Variants in ZBED3 observed in about 807,000 individuals in gnomAD.
ZBED3 encodes the protein zinc finger BED-type containing 3.
For synonymous variants in ZBED3, 175 were observed against 180.0 expected (o/e 0.97, Z 0.22); for missense variants, 388 against 362.9 (o/e 1.07, Z -0.56).
chr5:77,072,307 T>TA lies in ZBED3; in HGVS notation c.*4866dup, dbSNP rs1436646944. On this transcript the variant is annotated 3_prime_UTR_variant, in exon 3 of 3. Coordinates refer to ENST00000255198, the MANE Select transcript of ZBED3 (RefSeq NM_032367.4). ...ATCAAGACCAATTTATGAGCCACAC[T>TA]AAAATAATTATCATTGTTTTATTAT... The TA allele has an allele frequency of 6.6e-6, 1 of 152,242 alleles. No individual in the cohort carries two copies. The highest frequency in any genetic ancestry group is 1.5e-5 in the Non-Finnish European group (1 of 68,044). The allele number at this position is 152,242 out of a possible 1,614,324, so 9.4% of individuals were successfully genotyped here.
rs1395244951 is a variant in ZBED3, at chr5:77,077,428, C to T, written c.451G>A (p.Glu151Lys). Residue 151 changes from glutamate (E) to lysine (K), a missense_variant, in exon 3 of 3, where the codon GAG becomes AAG. Transcript: ENST00000255198. ...TGCTCCACGGCCAGCTCGCGCCGCT[C>T]CAGCTCCCGCTCCCGCCGGCTGCCG... ...VRGSRREREL[E>K]RRELAVEQGE... 1.6e-6 allele frequency: 2 copies of T among 1,225,364 alleles called. No homozygotes were observed. Among genetic ancestry groups the T allele is most frequent in the South Asian group, 2.9e-5 (1 of 34,832 alleles). 75.9% of individuals were successfully genotyped at this position (1,225,364 alleles called of 1,614,324 possible). A position where few individuals can be genotyped will look rare whatever the true frequency, so the allele number is the denominator to read the frequency against.
chr5:77,075,294 T>C lies in ZBED3; in HGVS notation c.*1880A>G, dbSNP rs1001960. ...CAAAAAGTATCATGGGAAAATATGT[T>C]GGGGTTGTTGTAGACTGAAAGTGAC... On this transcript the variant is annotated 3_prime_UTR_variant, in exon 3 of 3. Transcript: ENST00000255198. The C allele has an allele frequency of 0.86, 130,272 of 152,190 alleles. 55,870 individuals are homozygous for C. The highest frequency in any genetic ancestry group is 0.87 in the Non-Finnish European group (59,436 of 68,020). 9.4% of individuals were successfully genotyped at this position (152,190 alleles called of 1,614,324 possible).
chr5:77,082,595 T>A (rs755723986), intron 1 of ZBED3, among the ~76,000 whole-genome samples: 13 of 152,172 alleles, frequency 8.5e-5, no homozygotes, highest in Non-Finnish European at 1.5e-4. Context: ...GTGTATAATA[T>A]GATCCCACTA....
At chr5:77,079,217 A>C (rs1462462489) in intron 1 of ZBED3, 1 of 152,268 alleles carries the variant, frequency 6.6e-6, no homozygotes, top group African/African-American at 2.4e-5. Flanking sequence ...AAGAAAACAC[A>C]TGACAGACTT....
rs1742948553 is a variant in ZBED3 at position 77,074,994 on chromosome 5, G to A, written c.*2180C>T. The A allele has an allele frequency of 6.6e-6, 1 of 152,206 alleles. No homozygotes were observed. Among genetic ancestry groups the A allele is most frequent in the Non-Finnish European group, 1.5e-5 (1 of 68,054 alleles). The allele number at this position is 152,206 out of a possible 1,614,324, so 9.4% of individuals were successfully genotyped here. A position where few individuals can be genotyped will look rare whatever the true frequency, so the allele number is the denominator to read the frequency against. ...GTAAATGTTAGTTATCAGGTGAGGG[G>A]TGGGATGTGGGGTTGAGTAGATTTG... On this transcript the variant is annotated 3_prime_UTR_variant, in exon 3 of 3. Transcript: ENST00000255198.
Position 77,075,935 on chromosome 5 carries a change from T to TTTTATATATATATA in ZBED3, c.*1238_*1239insTATATATATATAAA, listed in dbSNP as rs1554047999. ...GACATGCACCCTAGAACTTAAAGTA[T>TTTTATATATATATA]TATATATACATATATATATATATAT... On this transcript the variant is annotated 3_prime_UTR_variant, in exon 3 of 3. Coordinates refer to ENST00000255198, the MANE Select transcript of ZBED3 (RefSeq NM_032367.4). The TTTTATATATATATA allele has an allele frequency of 2.4e-4, 5 of 21,164 alleles. 1 individual carries two copies. Among genetic ancestry groups the TTTTATATATATATA allele is most frequent in the East Asian group, 1.7e-3 (2 of 1,184 alleles). The allele number at this position is 21,164 out of a possible 1,614,324, so 1.3% of individuals were successfully genotyped here.
chr5:77,077,559 C>A lies in ZBED3; in HGVS notation c.320G>T (p.Gly107Val). 7.9e-7 allele frequency: 1 copy of A among 1,260,966 alleles called. No homozygotes were observed. Among genetic ancestry groups the A allele is most frequent in the South Asian group, 2.9e-5 (1 of 34,720 alleles). 78.1% of individuals were successfully genotyped at this position (1,260,966 alleles called of 1,614,324 possible). Residue 107 changes from glycine to valine, a missense_variant, in exon 3 of 3, where the codon GGG (glycine) becomes GTG (valine). Transcript: ENST00000255198. Reference sequence around the variant, plus strand: ...GCAGGGCGCGGCAGGTGGGGAGCTCCCGGCGCCGCTGCTCTCCAGCTCCCG... The same window carrying A: ...GCAGGGCGCGGCAGGTGGGGAGCTCACGGCGCCGCTGCTCTCCAGCTCCCG... ...HRRELESSGA[G>V]SSPPAAPCPP...
At chr5:77,080,327 A>G in intron 1 of ZBED3, 2 of 407,782 alleles carry the variant, frequency 4.9e-6, no homozygotes, top group Non-Finnish European at 9.6e-6. Flanking sequence ...GGTGAATGCC[A>G]TCTGTTAGGA....
chr5:77,081,469 C>T (rs1297538922), intron 1 of ZBED3, among the ~76,000 whole-genome samples: 1 of 151,972 alleles, frequency 6.6e-6, no homozygotes, highest in African/African-American at 2.4e-5. Flanking sequence ...CCCACCTCAG[C>T]CTCCAAAGTA....
Position 77,077,150 on chromosome 5 carries a change from T to C in ZBED3, c.*24A>G. On this transcript the variant is annotated 3_prime_UTR_variant, in exon 3 of 3. Transcript: ENST00000255198. ...GGCATTGGACGGAGAAGCGCTGTCC[T>C]GGGGTGGGGAAGTGGCCACACCCCT... 7.1e-7 allele frequency: 1 copy of C among 1,406,320 alleles called. No homozygotes were observed. Among genetic ancestry groups the C allele is most frequent in the South Asian group, 1.5e-5 (1 of 66,078 alleles). The allele number at this position is 1,406,320 out of a possible 1,614,324, so 87.1% of individuals were successfully genotyped here.
intron 1 of ZBED3, chr5:77,079,425 T>TA (rs1382697273): frequency 1.3e-5 from 2 of 152,252 alleles, no homozygotes; most frequent in Non-Finnish European, 2.9e-5. Flanking sequence ...CTGCTATAGT[T>TA]ACAGTAGCAT....
rs1455337908 is a variant in ZBED3 at position 77,077,068 on chromosome 5, GCGGCTGCGGGCC to G, written c.*94_*105del. 3.6e-6 allele frequency: 3 copies of G among 825,022 alleles called. No individual in the cohort carries two copies. The highest frequency in any genetic ancestry group is 4.9e-6 in the Non-Finnish European group (3 of 609,584). The allele number at this position is 825,022 out of a possible 1,614,324, so 51.1% of individuals were successfully genotyped here. ...GTTAGCTGGAGCTTCCGAGTGAGTA[GCGGCTGCGGGCC>G]TGGCTTCGGTTACGGCTTCGGTCCC... On this transcript the variant is annotated 3_prime_UTR_variant, in exon 3 of 3. Transcript: ENST00000255198.
chr5:77,075,963 ATATGTATATGTATATATG>A lies in ZBED3; in HGVS notation c.*1193_*1210del, dbSNP rs1393250147. On this transcript the variant is annotated 3_prime_UTR_variant, in exon 3 of 3. Transcript: ENST00000255198. Reference sequence around the variant, plus strand: ...TATATACATATATATATATATATATATATGTATATGTATATATGTATATATATATGTATATATGTATAT... The same window carrying A: ...TATATACATATATATATATATATATATATATATATATGTATATATGTATAT... 5.9e-3 allele frequency: 150 copies of A among 25,574 alleles called. 27 individuals are homozygous for A. The highest frequency in any genetic ancestry group is 0.012 in the Middle Eastern group (1 of 86). The allele number at this position is 25,574 out of a possible 1,614,324, so 1.6% of individuals were successfully genotyped here.
At chr5:77,081,326 TTTTC>T (rs1169944081) in intron 1 of ZBED3, among the ~76,000 whole-genome samples, 2 of 138,796 alleles carry the variant, frequency 1.4e-5, no homozygotes, top group Admixed American at 7.9e-5. Flanking sequence ...TGGCCATTTC[TTTTC>T]TTTCTTTCTT....
intron 1 of ZBED3, among the ~76,000 whole-genome samples, chr5:77,084,484 C>CT (rs759757509): frequency 3.9e-5 from 6 of 152,344 alleles, no homozygotes; most frequent in South Asian, 2.1e-4. Flanking sequence ...TCCGCCATGA[C>CT]TGTTAGGCCT....
intron 2 of ZBED3, 105 bp from the exon 3 acceptor site, chr5:77,078,000 G>T: frequency 1.2e-6 from 1 of 807,728 alleles, no homozygotes; most frequent in Non-Finnish European, 1.7e-6. Context: ...TCTTACCGAT[G>T]AAAAGCCTAT....
In ZBED3 at chr5:77,076,330, C is replaced by G. The variant is rs1257512913; in HGVS notation, c.*844G>C. The G allele has an allele frequency of 1.3e-5, 2 of 151,952 alleles. No homozygotes were observed. Among genetic ancestry groups the G allele is most frequent in the East Asian group, 3.9e-4 (2 of 5,156 alleles). 9.4% of individuals were successfully genotyped at this position (151,952 alleles called of 1,614,324 possible). On this transcript the variant is annotated 3_prime_UTR_variant, in exon 3 of 3. Coordinates refer to ENST00000255198, the MANE Select transcript of ZBED3 (RefSeq NM_032367.4). The stretch of plus-strand genomic sequence containing the variant: ...AATGACAGGTAGATGTGGCCTTAAG[C>G]GGAGGGATGCTTTCCCCTTCAGCCC...
chr5:77,086,018 C>A (rs1743230725), intron 1 of ZBED3, among the ~76,000 whole-genome samples: 1 of 152,224 alleles, frequency 6.6e-6, no homozygotes, highest in Non-Finnish European at 1.5e-5. Flanking sequence ...CTACCATTAG[C>A]TAAAAGGCAG....
Position 77,077,383 on chromosome 5 carries a change from G to C in ZBED3, c.496C>G (p.Arg166Gly), listed in dbSNP as rs1243496788. Residue 166 changes from arginine (R) to glycine (G), a missense_variant, in exon 3 of 3, where the codon CGG becomes GGG. Transcript: ENST00000255198. ...AVEQGERALE[R>G]RRRALQEEER... ...TCCTCCTGCAGCGCCCTCCGCCTCC[G>C]CTCCAGGGCGCGCTCGCCCTGCTCC... 8.0e-7 allele frequency: 1 copy of C among 1,251,512 alleles called. No individual in the cohort carries two copies. The highest frequency in any genetic ancestry group is 1.0e-6 in the Non-Finnish European group (1 of 998,852). 77.5% of individuals were successfully genotyped at this position (1,251,512 alleles called of 1,614,324 possible). A position where few individuals can be genotyped will look rare whatever the true frequency, so the allele number is the denominator to read the frequency against.
Sources: allele counts gnomAD v4.1 joint callset (sites outside exome capture counted in the v4.1 genomes callset), GRCh38; gene constraint gnomAD v4.1.1; transcripts MANE v1.5; gene names NCBI Gene and HGNC (gene_info 2026-07-23, HGNC 2026-07-21).